ANKRD45: variants seen among roughly 807,000 people sequenced by gnomAD.
ANKRD45 encodes the protein ankyrin repeat domain-containing protein 45.
In ANKRD45, 21 loss-of-function variants were observed where a neutral mutation model predicts 28.1. That is an observed-to-expected ratio of 0.75 (90% CI 0.53 to 1.08). The LOEUF (loss-of-function observed/expected upper bound fraction) is 1.08, where lower values mean the gene tolerates loss of function less well. Among genes scored for constraint, ANKRD45 ranks in the 50% least tolerant of loss-of-function variants. The pLI, the probability that ANKRD45 is intolerant of heterozygous loss-of-function variation, is 0.00. For synonymous variants in ANKRD45, 86 were observed against 103.9 expected (o/e 0.83, Z 1.05); for missense variants, 261 against 308.7 (o/e 0.85, Z 1.16).
intron 2 of ANKRD45, among the ~76,000 whole-genome samples, chr1:173,656,693 G>A (rs1283819280): frequency 1.3e-5 from 2 of 152,006 alleles, no homozygotes; most frequent in African/African-American, 2.4e-5. Flanking sequence ...GCACAATACT[G>A]TGTTATTTCT....
chr1:173,682,724 T>C, the ANKRD45 span, among the ~76,000 whole-genome samples: 46 of 105,040 alleles, frequency 4.4e-4, 1 homozygote, highest in African/African-American at 2.2e-3. Flanking sequence ...CACACACACA[T>C]CTTGGATGTT....
intron 4 of ANKRD45, among the ~76,000 whole-genome samples, chr1:173,626,588 C>T (rs1037993246): frequency 1.3e-5 from 2 of 152,264 alleles, no homozygotes; most frequent in East Asian, 3.9e-4. Context: ...ACTACCAGTA[C>T]TATTAATACA....
the ANKRD45 span, among the ~76,000 whole-genome samples, chr1:173,690,311 T>C: frequency 6.6e-6 from 1 of 151,780 alleles, no homozygotes; most frequent in Non-Finnish European, 1.5e-5. Context: ...TGGAATGGGA[T>C]CTGAGGCAGC....
intron 5 of ANKRD45, among the ~76,000 whole-genome samples, chr1:173,613,562 G>GCCCCC (rs1281895834): frequency 3.8e-5 from 4 of 105,772 alleles, no homozygotes; most frequent in African/African-American, 3.4e-4. Flanking sequence ...TGGGGGGTCA[G>GCCCCC]CCCCCCCCCC....
chr1:173,686,484 A>G, the ANKRD45 span, among the ~76,000 whole-genome samples: 1 of 152,026 alleles, frequency 6.6e-6, no homozygotes, highest in Non-Finnish European at 1.5e-5. Flanking sequence ...AGTCATTCCT[A>G]TGCTGGTTTG....
At chr1:173,670,374 G>A (rs1670213170), upstream of ANKRD45, among the ~76,000 whole-genome samples, 1 of 152,134 alleles carries the variant, frequency 6.6e-6, no homozygotes, top group Non-Finnish European at 1.5e-5. Flanking sequence ...CAAGGGGTTC[G>A]AAAGAAACCA....
At chr1:173,697,672 A>G in the ANKRD45 span, among the ~76,000 whole-genome samples, 1 of 152,346 alleles carries the variant, frequency 6.6e-6, no homozygotes, top group East Asian at 1.9e-4. Flanking sequence ...GAAGCACTAA[A>G]CATGGAAAGG....
At chr1:173,652,131 T>G (rs1669255618) in intron 2 of ANKRD45, among the ~76,000 whole-genome samples, 1 of 152,038 alleles carries the variant, frequency 6.6e-6, no homozygotes, top group African/African-American at 2.4e-5. Context: ...TCCAACACTA[T>G]GTGGAATAGG....
the ANKRD45 span, among the ~76,000 whole-genome samples, chr1:173,677,274 ATTTG>A: frequency 6.6e-6 from 1 of 151,996 alleles, no homozygotes. Flanking sequence ...AGTCAATTAA[ATTTG>A]TTTTTCAAAT....
chr1:173,690,799 T>C, the ANKRD45 span, among the ~76,000 whole-genome samples: 1 of 152,230 alleles, frequency 6.6e-6, no homozygotes, highest in African/African-American at 2.4e-5. Flanking sequence ...TTGGGGTATT[T>C]CCCATCTTGA....
At position 173,646,886 on chromosome 1, in the gene ANKRD45, T is replaced by C. The variant is rs1430183604; in HGVS notation, c.456A>G (p.Arg152=). ...REERARDVAA[R]YSQTECVEFL... is the part of the protein sequence containing the mutation. Reference sequence around the variant, plus strand: ...ATTCAACACACTCAGTCTGAGAATATCTAGCAGCAACATCTCGAGCCCTTT... The same window carrying C: ...ATTCAACACACTCAGTCTGAGAATACCTAGCAGCAACATCTCGAGCCCTTT... Residue 152 remains arginine (R), a synonymous_variant, in exon 3 of 6, where the codon AGA becomes AGG. Transcript: ENST00000333279. 3.7e-6 allele frequency: 6 copies of C among 1,614,180 alleles called. No homozygotes were observed. In the African/African-American group the frequency reaches 4.0e-5, roughly 11 times the overall value.
intron 4 of ANKRD45, among the ~76,000 whole-genome samples, chr1:173,626,594 A>G (rs896467269): frequency 5.3e-5 from 8 of 152,162 alleles, no homozygotes; most frequent in Non-Finnish European, 7.4e-5. Flanking sequence ...AGTACTATTA[A>G]TACAGCTTCT....
At chr1:173,670,184 T>C (rs1670208318), upstream of ANKRD45, among the ~76,000 whole-genome samples, 1 of 152,234 alleles carries the variant, frequency 6.6e-6, no homozygotes, top group Non-Finnish European at 1.5e-5. Flanking sequence ...TTTCTAGTTA[T>C]TGGATATCTT....
At chr1:173,625,041 A>C (rs1571702757) in intron 4 of ANKRD45, 116 bp from the exon 5 acceptor site, 9 of 1,096,172 alleles carry the variant, frequency 8.2e-6, no homozygotes. Context: ...AATATTCTGT[A>C]CCTGCATTGT....
At chr1:173,633,634 C>T (rs1346510898) in intron 3 of ANKRD45, among the ~76,000 whole-genome samples, 1 of 152,018 alleles carries the variant, frequency 6.6e-6, no homozygotes, top group Non-Finnish European at 1.5e-5. Flanking sequence ...CAGCATGGGA[C>T]TGGCCTAAAA....
At chr1:173,636,617 T>C (rs1256214519) in intron 3 of ANKRD45, among the ~76,000 whole-genome samples, 1 of 152,208 alleles carries the variant, frequency 6.6e-6, no homozygotes, top group Admixed American at 6.5e-5. Context: ...GGATCATACA[T>C]GTGGCATATA....
At chr1:173,690,976 A>G in the ANKRD45 span, among the ~76,000 whole-genome samples, 2 of 152,044 alleles carry the variant, frequency 1.3e-5, no homozygotes, top group Admixed American at 1.3e-4. Context: ...CCTCCATGGG[A>G]AATTTCTCAC....
At position 173,615,431 on chromosome 1, in the gene ANKRD45, C is replaced by T. The variant is rs192720298; in HGVS notation, c.731-5216G>A. Among the ~76,000 whole-genome samples, 307 of 149,768 alleles carry T rather than the reference C, an allele frequency of 2.0e-3. 1 individual carries two copies. Among genetic ancestry groups the T allele is most frequent in the Non-Finnish European group, 3.5e-3 (239 of 67,766 alleles). ...GCCCCCCAAGTGTAGTGCTGAAGTGCGGTCTAGTGCTCCTAAGTGCAAGAA... is the reference window on the plus strand; with the variant it reads ...GCCCCCCAAGTGTAGTGCTGAAGTGTGGTCTAGTGCTCCTAAGTGCAAGAA... On this transcript the variant is annotated intron_variant, in intron 5 of 5. Coordinates refer to ENST00000333279, the MANE Select transcript of ANKRD45 (RefSeq NM_198493.3).
rs563205506 is a variant in ANKRD45, at chr1:173,645,569, T to C, written c.496+1277A>G. Among the ~76,000 whole-genome samples, 4 of 152,330 alleles carry C rather than the reference T, an allele frequency of 2.6e-5. No individual in the cohort carries two copies. In the South Asian group the frequency reaches 8.3e-4, roughly 32 times the overall value. ...GAGAAGGAAACTGAGGTATAGAGAA[T>C]TTAAGCACCTTGTCCAAGGTCACAT... On this transcript the variant is annotated intron_variant, in intron 3 of 5. Coordinates refer to ENST00000333279, the MANE Select transcript of ANKRD45 (RefSeq NM_198493.3).
Sources: gnomAD v4.1 joint callset for allele counts (sites outside exome capture counted in the v4.1 genomes callset) on GRCh38, gnomAD v4.1.1 for gene constraint, MANE v1.5 for transcripts, NCBI Gene and HGNC (gene_info 2026-07-23, HGNC 2026-07-21) for gene names.